Variants in INAVA observed in about 807,000 individuals in gnomAD.
The protein encoded by INAVA is innate immunity activator.
INAVA carries 32 observed loss-of-function variants against 55.3 expected under a neutral mutation model. The ratio of observed to expected loss-of-function variants is 0.58; its 90% CI spans 0.44 to 0.78. INAVA has a LOEUF of 0.78. Ranked by LOEUF, INAVA falls within the 30% of genes least tolerant of loss-of-function variation. The pLI is 0.00. For missense variants in INAVA, 756 were observed against 786.4 expected (o/e 0.96, Z 0.46); for synonymous variants, 294 against 329.4 (o/e 0.89, Z 1.16).
At position 200,911,545 on chromosome 1, in the gene INAVA, C is replaced by G; in HGVS notation, c.1052C>G (p.Ser351Cys). The G allele has an allele frequency of 6.2e-7, 1 of 1,613,778 alleles. No individual in the cohort carries two copies. The highest frequency in any genetic ancestry group is 8.5e-7 in the Non-Finnish European group (1 of 1,179,938). The change falls in exon 9 of 10, where the codon TCC (serine) becomes TGC (cysteine). Residue 351 changes from serine to cysteine, a missense_variant. Around this residue, in one of 2 missense-constraint regions of INAVA, gnomAD observed 639 missense variants for 624.3 expected, o/e 1.02. Coordinates refer to ENST00000413687, the MANE Select transcript of INAVA (RefSeq NM_001142569.3). ...CACTACACGGTGACAGTGCCAGATT[C>G]CTGCTTTCCCGCGACCAAGCCCCCG... ...PTHYTVTVPDSCFPATKPPLP... is the reference protein window; with the variant it reads ...PTHYTVTVPDCCFPATKPPLP...
intron 7 of INAVA, 116 bp from the exon 8 acceptor site, chr1:200,909,108 G>A: frequency 7.5e-7 from 1 of 1,335,954 alleles, no homozygotes; most frequent in South Asian, 1.5e-5. Flanking sequence ...AAGGGTGCTG[G>A]CAGTTTGCCC....
At chr1:200,891,831 G>T, upstream of INAVA, 1 of 546,344 alleles carries the variant, frequency 1.8e-6, no homozygotes, top group Non-Finnish European at 3.0e-6. Flanking sequence ...CAAAGGGGCA[G>T]GAATTCTGAG....
intron 5 of INAVA, 58 bp from the exon 6 acceptor site, chr1:200,907,776 C>T (rs1653556062): frequency 2.0e-6 from 3 of 1,470,704 alleles, no homozygotes; most frequent in East Asian, 4.6e-5. Context: ...GCTGGTTACT[C>T]ATATCTGTTT....
chr1:200,904,183 G>T (rs908927892), intron 5 of INAVA, among the ~76,000 whole-genome samples: 3 of 152,054 alleles, frequency 2.0e-5, no homozygotes, highest in Non-Finnish European at 4.4e-5. Flanking sequence ...CCACCTACCG[G>T]GTTTAAGCGA....
At chr1:200,908,107 T>C (rs1653568777) in intron 6 of INAVA, 2 of 453,658 alleles carry the variant, frequency 4.4e-6, no homozygotes, top group South Asian at 7.7e-5. Flanking sequence ...AAGCTCATTA[T>C]TTTTACAGGG....
chr1:200,903,412 A>G (rs1183164836), intron 5 of INAVA, among the ~76,000 whole-genome samples: 5 of 151,884 alleles, frequency 3.3e-5, no homozygotes. Context: ...TGAACCTGGG[A>G]GGTGGAGCCC....
intron 8 of INAVA, among the ~76,000 whole-genome samples, chr1:200,910,942 G>T (rs1653686333): frequency 6.6e-6 from 1 of 152,134 alleles, no homozygotes. Context: ...TTCAAGTAAG[G>T]TACCTGGCAG....
Position 200,904,236 on chromosome 1 carries a change from G to A in INAVA, c.520+3077G>A, listed in dbSNP as rs541725056. ...CCTGAGTAGCTGGGACTGCAGATGC[G>A]TGCTGCCACGCCCAGCTAATTTTTG... On this transcript the variant is annotated intron_variant, in intron 5 of 9. Coordinates refer to ENST00000413687, the MANE Select transcript of INAVA (RefSeq NM_001142569.3). 4.4e-4 allele frequency among the ~76,000 whole-genome samples: 67 copies of A among 152,184 alleles called. 1 individual carries two copies. The East Asian group carries it at 8.3e-3, about 19-fold the overall frequency.
At chr1:200,903,276 G>A (rs975291135) in intron 5 of INAVA, among the ~76,000 whole-genome samples, 2 of 152,170 alleles carry the variant, frequency 1.3e-5, no homozygotes, top group Non-Finnish European at 2.9e-5. Context: ...ATGAGGTTAG[G>A]AGTTCAAGAC....
chr1:200,897,055 C>A (rs925911426), intron 1 of INAVA, among the ~76,000 whole-genome samples: 5 of 152,198 alleles, frequency 3.3e-5, no homozygotes, highest in African/African-American at 1.2e-4. Flanking sequence ...CCAGCTGGGA[C>A]CCCAACCAGG....
At position 200,911,528 on chromosome 1, in the gene INAVA, G is replaced by C. The variant is rs763296082; in HGVS notation, c.1035G>C (p.Thr345=). The C allele has an allele frequency of 1.2e-6, 2 of 1,613,828 alleles. No homozygotes were observed. Among genetic ancestry groups the C allele is most frequent in the East Asian group, 4.5e-5 (2 of 44,870 alleles). The change falls in exon 9 of 10, where the codon ACG becomes ACC. Residue 345 remains threonine, a synonymous_variant. Coordinates refer to ENST00000413687, the MANE Select transcript of INAVA (RefSeq NM_001142569.3). ...AFPRRRPTHY[T]VTVPDSCFPA... ...CCCGCCGCCGCCCCACTCACTACAC[G>C]GTGACAGTGCCAGATTCCTGCTTTC...
At chr1:200,900,265 C>A in intron 4 of INAVA, 45 bp downstream of exon 4, 1 of 1,533,596 alleles carries the variant, frequency 6.5e-7, no homozygotes, top group Non-Finnish European at 9.0e-7. Flanking sequence ...ATCCCCAAAG[C>A]TGATCACTGA....
chr1:200,914,383 G>C lies in INAVA; in HGVS notation c.*754G>C, dbSNP rs908917400. ...GGGGGCTGGTCCATGCTTGTGGTTA[G>C]TGGACAGCAGCCACCCTTTGACAGC... On this transcript the variant is annotated 3_prime_UTR_variant, in exon 10 of 10. Coordinates refer to ENST00000413687, the MANE Select transcript of INAVA (RefSeq NM_001142569.3). 1.3e-5 allele frequency: 2 copies of C among 152,482 alleles called. No individual in the cohort carries two copies. Among genetic ancestry groups the C allele is most frequent in the Admixed American group, 6.5e-5 (1 of 15,308 alleles). The allele number at this position is 152,482 out of a possible 1,614,324, so 9.4% of individuals were successfully genotyped here. A position where few individuals can be genotyped will look rare whatever the true frequency, so the allele number is the denominator to read the frequency against.
intron 5 of INAVA, among the ~76,000 whole-genome samples, chr1:200,901,564 A>G (rs296527): frequency 1 from 151,764 of 152,340 alleles, 75,598 homozygotes; most frequent in East Asian, 1. Flanking sequence ...CCGTGAGCCC[A>G]AGGCTCTGAG....
chr1:200,893,450 C>T (rs912890899), upstream of INAVA, among the ~76,000 whole-genome samples: 5 of 152,304 alleles, frequency 3.3e-5, no homozygotes, highest in South Asian at 1.0e-3. Flanking sequence ...GGAGGAAGGG[C>T]CGCTTATGCC....
chr1:200,895,912 G>A (rs998567707), intron 1 of INAVA, among the ~76,000 whole-genome samples: 1 of 152,138 alleles, frequency 6.6e-6, no homozygotes, highest in African/African-American at 2.4e-5. Context: ...AGGGGCTCTG[G>A]GCATCTGACG....
chr1:200,898,258 G>T, intron 1 of INAVA, 49 bp from the exon 2 acceptor site: 1 of 1,584,604 alleles, frequency 6.3e-7, no homozygotes, highest in Non-Finnish European at 8.6e-7. Flanking sequence ...TTGTAACCAA[G>T]ATGGTTCATA....
At chr1:200,911,118 ACTTAATGTAGTACTTTAAAAAAAG>A (rs1653699241) in intron 8 of INAVA, among the ~76,000 whole-genome samples, 1 of 23,596 alleles carries the variant, frequency 4.2e-5, no homozygotes, top group African/African-American at 2.9e-4. Flanking sequence ...TTAAAAAAGT[ACTTAATGTAGTACTTTAAAAAAAG>A]TACTTAATGT....
chr1:200,902,865 T>A (rs578075519), intron 5 of INAVA: 3 of 152,374 alleles, frequency 2.0e-5, no homozygotes, highest in Non-Finnish European at 4.4e-5. Context: ...CCCATAATGC[T>A]TCTTGTTGGG....
Sources: gnomAD v4.1 joint callset for allele counts (sites outside exome capture counted in the v4.1 genomes callset) on GRCh38, gnomAD v4.1.1 for gene constraint, gnomAD v4.1.1 regional missense constraint, MANE v1.5 for transcripts, NCBI Gene and HGNC (gene_info 2026-07-23, HGNC 2026-07-21) for gene names.